Variants in ADAMTSL1 observed in about 807,000 individuals in gnomAD.
ADAMTSL1 encodes ADAMTS like 1.
A neutral mutation model predicts 201.8 loss-of-function variants in ADAMTSL1; 126 were observed. The ratio of observed to expected loss-of-function variants is 0.62; its 90% confidence interval spans 0.54 to 0.72. The LOEUF is 0.72. Ranked by LOEUF, ADAMTSL1 falls within the 30% of genes least tolerant of loss-of-function variation. The probability of loss-of-function intolerance (pLI) is 0.00; values close to 1 mark genes in which losing one functional copy is unlikely to be tolerated. For synonymous variants in ADAMTSL1, 1,121 were observed against 903.4 expected (o/e 1.24, Z -4.32); for missense variants, 2,679 against 2,277.8 (o/e 1.18, Z -3.59).
At chr9:18,565,568 G>GAA (rs11339613) in intron 3 of ADAMTSL1, among the ~76,000 whole-genome samples, 27 of 106,754 alleles carry the variant, frequency 2.5e-4, no homozygotes, top group East Asian at 7.2e-4. Flanking sequence ...TCCTAGTTAT[G>GAA]AAAAAAAAAA....
chr9:18,119,331 C>T (rs998256864), intron 1 of ADAMTSL1, among the ~76,000 whole-genome samples: 4 of 151,854 alleles, frequency 2.6e-5, no homozygotes, highest in Non-Finnish European at 4.4e-5. Context: ...CTCTCTCTGC[C>T]ACCCAGGCTG....
At chr9:18,228,968 T>C (rs1318832067) in intron 2 of ADAMTSL1, among the ~76,000 whole-genome samples, 6 of 152,056 alleles carry the variant, frequency 3.9e-5, no homozygotes. Context: ...GCTGTTTCCT[T>C]TGCTTGTTTC....
chr9:18,157,342 G>A (rs1827199360), intron 1 of ADAMTSL1, among the ~76,000 whole-genome samples: 1 of 151,964 alleles, frequency 6.6e-6, no homozygotes, highest in Non-Finnish European at 1.5e-5. Context: ...TTAGAATCCT[G>A]TCTTGTCAAG....
chr9:18,472,077 A>C (rs1375726039), upstream of ADAMTSL1, among the ~76,000 whole-genome samples: 2 of 151,972 alleles, frequency 1.3e-5, no homozygotes, highest in East Asian at 3.9e-4. Flanking sequence ...AAGAGGGAGG[A>C]GGTGGTATTA....
intron 9 of ADAMTSL1, among the ~76,000 whole-genome samples, chr9:18,668,421 G>A (rs1829602516): frequency 6.6e-6 from 1 of 152,036 alleles, no homozygotes; most frequent in African/African-American, 2.4e-5. Context: ...TTACTACAAA[G>A]CCAGATCATT....
At chr9:18,008,659 T>C (rs1819930798) in intron 1 of ADAMTSL1, among the ~76,000 whole-genome samples, 1 of 151,874 alleles carries the variant, frequency 6.6e-6, no homozygotes, top group South Asian at 2.1e-4. Flanking sequence ...GCAAGTTGTT[T>C]TACCTAAGGG....
intron 2 of ADAMTSL1, among the ~76,000 whole-genome samples, chr9:18,174,680 G>T (rs1828059504): frequency 6.6e-6 from 1 of 152,028 alleles, no homozygotes; most frequent in Admixed American, 6.6e-5. Context: ...AACTAAGATT[G>T]TAATCGGGCT....
At chr9:18,896,297 G>A (rs1201390773) in intron 26 of ADAMTSL1, among the ~76,000 whole-genome samples, 2 of 152,214 alleles carry the variant, frequency 1.3e-5, no homozygotes, top group Middle Eastern at 3.4e-3. Context: ...GAAACAAAGA[G>A]GGAATCTTGA....
chr9:18,160,271 T>C (rs1473005717), intron 1 of ADAMTSL1, among the ~76,000 whole-genome samples: 1 of 152,050 alleles, frequency 6.6e-6, no homozygotes, highest in East Asian at 1.9e-4. Context: ...TAGGCAGTCT[T>C]CATATGTCCT....
chr9:18,415,418 A>G (rs1315530147), intron 2 of ADAMTSL1, among the ~76,000 whole-genome samples: 1 of 152,214 alleles, frequency 6.6e-6, no homozygotes, highest in East Asian at 1.9e-4. Context: ...AAAACATCCC[A>G]TGGACCATAT....
chr9:18,777,226 C>T lies in ADAMTSL1; in HGVS notation c.2997C>T (p.Asn999=), dbSNP rs2133756369. ...CCCTGCAGACCCACAAACACCAGAA[C>T]GGGATCTTCTCCAACGGCAGCAAGG... The part of the protein sequence containing the change: ...KEALQTHKHQ[N]GIFSNGSKAE... Residue 999 remains asparagine (N), a synonymous_variant, in exon 19 of 29, where the codon AAC becomes AAT. Transcript: ENST00000380548. 1.2e-6 allele frequency: 2 copies of T among 1,612,786 alleles called. No individual in the cohort carries two copies. The highest frequency in any genetic ancestry group is 2.2e-5 in the East Asian group (1 of 44,856).
Position 18,411,026 on chromosome 9 carries a change from GT to G in ADAMTSL1, c.208-93793del, listed in dbSNP as rs374258268. Among the ~76,000 whole-genome samples, 39 of 144,868 alleles carry G rather than the reference GT, an allele frequency of 2.7e-4. No homozygotes were observed. In the East Asian group the frequency reaches 4.5e-3, roughly 17 times the overall value. ...CTGGCTAGTTGTTTTTTTTTGTTTG[GT>G]TTTTTTTTTGTATTTTAATAGAAAT... is the stretch of plus-strand genomic sequence containing the variant. On this transcript the variant is annotated intron_variant, in intron 2 of 29. Coordinates refer to the ADAMTSL1 transcript ENST00000680146.
chr9:18,027,099 T>C lies in ADAMTSL1; in HGVS notation c.87+120177T>C, dbSNP rs1419876221. On this transcript the variant is annotated intron_variant, in intron 1 of 29. Transcript: ENST00000680146. ...TTGTGCTATTTAGGTCTTCTCTTTT[T>C]TTTTTTTTAATTTGTTAATCTAGCT... Among the ~76,000 whole-genome samples, 5 of 151,928 alleles carry C rather than the reference T, an allele frequency of 3.3e-5. 1 individual carries two copies. Among genetic ancestry groups the C allele is most frequent in the South Asian group, 4.1e-4 (2 of 4,820 alleles).
intron 1 of ADAMTSL1, among the ~76,000 whole-genome samples, chr9:18,047,559 T>G (rs1450626398): frequency 6.6e-6 from 1 of 151,994 alleles, no homozygotes; most frequent in Non-Finnish European, 1.5e-5. Context: ...GGTCTTGTGG[T>G]GCTAAAACTT....
intron 23 of ADAMTSL1, among the ~76,000 whole-genome samples, chr9:18,874,295 C>T (rs531841626): frequency 1.3e-5 from 2 of 152,164 alleles, no homozygotes; most frequent in South Asian, 4.1e-4. Context: ...TCTTTTCTTT[C>T]TCTTGTCTGA....
chr9:17,929,669 A>G (rs979081757), intron 1 of ADAMTSL1, among the ~76,000 whole-genome samples: 2 of 152,056 alleles, frequency 1.3e-5, no homozygotes, highest in South Asian at 2.1e-4. Flanking sequence ...CTTTGCCTGG[A>G]GGTCTCTTTC....
chr9:17,917,864 A>G (rs981510785), intron 1 of ADAMTSL1, among the ~76,000 whole-genome samples: 2 of 152,038 alleles, frequency 1.3e-5, no homozygotes, highest in South Asian at 2.1e-4. Context: ...ATATGGGGCT[A>G]TTAGGGTTAT....
intron 3 of ADAMTSL1, among the ~76,000 whole-genome samples, chr9:18,541,886 A>T (rs1303184169): frequency 1.3e-5 from 2 of 152,274 alleles, no homozygotes; most frequent in East Asian, 3.8e-4. Flanking sequence ...AGGTGGATCT[A>T]TTTGTACAAA....
At chr9:17,993,473 C>T (rs2149920) in intron 1 of ADAMTSL1, among the ~76,000 whole-genome samples, 1 of 151,828 alleles carries the variant, frequency 6.6e-6, no homozygotes, top group Non-Finnish European at 1.5e-5. Flanking sequence ...CAGTTCTATT[C>T]AAATAGAAAT....
Sources: gnomAD v4.1 joint callset for allele counts (sites outside exome capture counted in the v4.1 genomes callset) on GRCh38, gnomAD v4.1.1 for gene constraint, MANE v1.5 for transcripts, NCBI Gene and HGNC (gene_info 2026-07-23, HGNC 2026-07-21) for gene names.